BPGM: variants seen among roughly 807,000 people sequenced by gnomAD.
BPGM encodes the protein 2,3-bisphosphoglycerate mutase, erythrocyte.
Under a neutral mutation model 21.6 loss-of-function variants are expected in BPGM, and 15 were observed. The ratio of observed to expected loss-of-function variants is 0.70; its 90% confidence interval spans 0.47 to 1.07. BPGM has a LOEUF of 1.07. Ranked by LOEUF, BPGM falls within the 50% of genes least tolerant of loss-of-function variation. BPGM has a pLI of 0.00. For missense variants in BPGM, 273 were observed against 319.0 expected, an observed-to-expected ratio of 0.86 and a Z score of 1.10; for synonymous variants, 113 against 116.2, an observed-to-expected ratio of 0.97 and a Z score of 0.18.
At chr7:134,670,595 T>C (rs1354610004) in intron 2 of BPGM, among the ~76,000 whole-genome samples, 1 of 151,192 alleles carries the variant, frequency 6.6e-6, no homozygotes, top group Middle Eastern at 3.4e-3. Context: ...TTTACATATA[T>C]AGTATTCAGA....
intron 2 of BPGM, among the ~76,000 whole-genome samples, chr7:134,663,666 T>C (rs758370081): frequency 2.6e-5 from 4 of 152,162 alleles, no homozygotes; most frequent in Non-Finnish European, 5.9e-5. Context: ...CTCAGATTTA[T>C]TGTGGCCAGG....
At chr7:134,657,241 G>A (rs1428866461) in intron 1 of BPGM, among the ~76,000 whole-genome samples, 5 of 152,190 alleles carry the variant, frequency 3.3e-5, no homozygotes, top group African/African-American at 1.2e-4. Flanking sequence ...ACCTAAAGCA[G>A]GGTGAGACTG....
chr7:134,651,927 A>G (rs1200864075), intron 1 of BPGM, among the ~76,000 whole-genome samples: 3 of 152,240 alleles, frequency 2.0e-5, no homozygotes, highest in African/African-American at 7.2e-5. Flanking sequence ...GGGATAATTT[A>G]TGAAGATGTC....
At chr7:134,650,276 A>G (rs1795535722) in intron 1 of BPGM, among the ~76,000 whole-genome samples, 1 of 152,220 alleles carries the variant, frequency 6.6e-6, no homozygotes, top group Admixed American at 6.5e-5. Flanking sequence ...GATGCCATGC[A>G]GGCTGGAACA....
Position 134,662,044 on chromosome 7 carries a change from T to A in BPGM, c.537T>A (p.Arg179=). 1 of 1,614,160 alleles carries A rather than the reference T, an allele frequency of 6.2e-7. No homozygotes were observed. The highest frequency in any genetic ancestry group is 1.1e-5 in the South Asian group (1 of 91,088). The change falls in exon 2 of 3, where the codon CGT becomes CGA. Residue 179 remains arginine (R), a synonymous_variant. Coordinates refer to ENST00000344924, the MANE Select transcript of BPGM (RefSeq NM_001724.5). ...WNERIAPEVL[R]GKTILISAHG... ...AAAGGATTGCTCCCGAAGTATTACG[T>A]GGCAAAACCATTCTGATATCTGCTC...
chr7:134,672,462 C>G (rs1795920845), intron 2 of BPGM, among the ~76,000 whole-genome samples: 2 of 152,130 alleles, frequency 1.3e-5, no homozygotes, highest in African/African-American at 4.8e-5. Flanking sequence ...GTAAGTAACA[C>G]TATTATGGTT....
At chr7:134,667,485 A>G (rs1245326945) in intron 2 of BPGM, among the ~76,000 whole-genome samples, 1 of 152,180 alleles carries the variant, frequency 6.6e-6, no homozygotes, top group Admixed American at 6.6e-5. Flanking sequence ...AGGCAGGAGG[A>G]TTGCTTGTGC....
chr7:134,672,228 C>G (rs895047221), intron 2 of BPGM, among the ~76,000 whole-genome samples: 1 of 151,912 alleles, frequency 6.6e-6, no homozygotes, highest in South Asian at 2.1e-4. Context: ...CATGAAGATT[C>G]GATACTTAAA....
rs546208510 is a variant in BPGM at position 134,661,750 on chromosome 7, G to A, written c.243G>A (p.Val81=). The change falls in exon 2 of 3, where the codon GTG becomes GTA. Residue 81 remains valine (V), a synonymous_variant. Transcript: ENST00000344924. The surrounding 1 kb of genome is among the most constrained non-coding windows in gnomAD (Gnocchi z 4.6). ...LEELGQEWVP[V]ESSWRLNERH... is the part of the protein sequence containing the mutation. ...AGCTAGGCCAGGAATGGGTGCCTGTGGAAAGCTCCTGGCGTCTAAATGAGC... is the reference window on the plus strand; with the variant it reads ...AGCTAGGCCAGGAATGGGTGCCTGTAGAAAGCTCCTGGCGTCTAAATGAGC... The A allele has an allele frequency of 6.2e-7, 1 of 1,614,116 alleles. No homozygotes were observed. The highest frequency in any genetic ancestry group is 2.2e-5 in the East Asian group (1 of 44,876).
Position 134,661,985 on chromosome 7 carries a change from G to C in BPGM, c.478G>C (p.Asp160His). The change falls in exon 2 of 3, where the codon GAT (aspartate) becomes CAT (histidine). Residue 160 changes from aspartate to histidine, a missense_variant. Transcript: ENST00000344924. This position sits in a 1 kb window ranked among gnomAD's most constrained non-coding sequence, Gnocchi z 4.6. ...DQLPRSESLK[D>H]VLERLLPYWN... is the part of the protein sequence containing the mutation. ...ACTGCCACGGTCGGAAAGCTTAAAG[G>C]ATGTTCTGGAGAGACTCCTTCCCTA... is the stretch of plus-strand genomic sequence containing the variant. The C allele has an allele frequency of 6.2e-7, 1 of 1,614,184 alleles. No homozygotes were observed. Among genetic ancestry groups the C allele is most frequent in the East Asian group, 2.2e-5 (1 of 44,890 alleles).
chr7:134,658,002 G>A (rs183224349), intron 1 of BPGM, among the ~76,000 whole-genome samples: 8 of 152,210 alleles, frequency 5.3e-5, no homozygotes, highest in East Asian at 1.9e-4. Context: ...TAGCAGCCAC[G>A]ATCTAGCCTG....
intron 2 of BPGM, among the ~76,000 whole-genome samples, chr7:134,672,945 C>A (rs372388976): frequency 6.6e-6 from 1 of 152,026 alleles, no homozygotes; most frequent in African/African-American, 2.4e-5. Flanking sequence ...GAGGCCGAGG[C>A]GGGCAGATCA....
rs1366847803 is a variant in BPGM at position 134,661,335 on chromosome 7, A to G, written c.-61-112A>G. The G allele has an allele frequency of 1.2e-6, 1 of 827,066 alleles. No individual in the cohort carries two copies. The allele number at this position is 827,066 out of a possible 1,614,324, so 51.2% of individuals were successfully genotyped here. ...CAGTGTATGAGTTATCACATTTCTGACTGTTCAAAGGGATTTCAGTTTCTT... is the reference window on the plus strand; with the variant it reads ...CAGTGTATGAGTTATCACATTTCTGGCTGTTCAAAGGGATTTCAGTTTCTT... On this transcript the variant is annotated intron_variant, in intron 1 of 2. Coordinates refer to ENST00000344924, the MANE Select transcript of BPGM (RefSeq NM_001724.5). The surrounding 1 kb of genome is among the most constrained non-coding windows in gnomAD (Gnocchi z 4.6).
intron 1 of BPGM, among the ~76,000 whole-genome samples, chr7:134,656,786 CA>C (rs1346033072): frequency 6.6e-6 from 1 of 152,210 alleles, no homozygotes; most frequent in African/African-American, 2.4e-5. Flanking sequence ...TCCCAAATCT[CA>C]TGTCCTCTCA....
intron 2 of BPGM, among the ~76,000 whole-genome samples, chr7:134,667,432 G>T (rs1373476499): frequency 6.6e-6 from 1 of 152,160 alleles, no homozygotes; most frequent in African/African-American, 2.4e-5. Context: ...ATTGAGCTGG[G>T]TGTGGGGTCA....
intron 1 of BPGM, among the ~76,000 whole-genome samples, chr7:134,654,261 C>G (rs577442893): frequency 6.6e-6 from 1 of 152,152 alleles, no homozygotes. Context: ...ATTGGTCAGG[C>G]TAGGGCGACT....
At chr7:134,676,886 T>C (rs1002260355) in intron 2 of BPGM, among the ~76,000 whole-genome samples, 3 of 152,132 alleles carry the variant, frequency 2.0e-5, no homozygotes, top group African/African-American at 7.2e-5. Flanking sequence ...TTCCAAGGGA[T>C]GTTTGTGGTG....
intron 1 of BPGM, among the ~76,000 whole-genome samples, chr7:134,648,142 TG>T (rs1795494725): frequency 1.7e-4 from 26 of 149,570 alleles, no homozygotes; most frequent in East Asian, 5.9e-4. Context: ...GTTTTTTTTT[TG>T]TTTTGTTTTC....
At chr7:134,647,887 T>A (rs1430811331) in intron 1 of BPGM, among the ~76,000 whole-genome samples, 1 of 152,176 alleles carries the variant, frequency 6.6e-6, no homozygotes, top group Non-Finnish European at 1.5e-5. Context: ...AACCTCCGCC[T>A]ACCGGGTTCA....
Sources: allele counts gnomAD v4.1 joint callset (sites outside exome capture counted in the v4.1 genomes callset), GRCh38; gene constraint gnomAD v4.1.1; non-coding constraint Gnocchi (gnomAD v3.1); transcripts MANE v1.5; gene names NCBI Gene and HGNC (gene_info 2026-07-23, HGNC 2026-07-21).